Variants in PTPRN2 observed in about 807,000 individuals in gnomAD.
The protein encoded by PTPRN2 is protein tyrosine phosphatase receptor type N2.
In PTPRN2, 74 loss-of-function variants were observed where a neutral mutation model predicts 118.8. The observed-to-expected ratio is 0.62, with a 90% CI of 0.52 to 0.76. PTPRN2 has a LOEUF of 0.76. Ranked by LOEUF, PTPRN2 falls within the 30% of genes least tolerant of loss-of-function variation. The pLI is 0.00. For missense variants in PTPRN2, 1,481 were observed against 1,394.4 expected (o/e 1.06, Z -0.99); for synonymous variants, 641 against 608.0 (o/e 1.05, Z -0.80).
At chr7:157,642,053 C>T (rs185981109) in intron 14 of PTPRN2, among the ~76,000 whole-genome samples, 1 of 152,340 alleles carries the variant, frequency 6.6e-6, no homozygotes, top group African/African-American at 2.4e-5. Context: ...TCTCAAATGT[C>T]CACCTCAAGT....
Position 157,874,403 on chromosome 7 carries a change from T to C in PTPRN2, c.1788+24270A>G, listed in dbSNP as rs1358486977. The stretch of plus-strand genomic sequence containing the variant: ...AGCTCCTGCTTTCTGCCCCCTCCTG[T>C]CCCCTCTCTCCTGCCCTGCCCCGAT... On this transcript the variant is annotated intron_variant, in intron 12 of 22. Transcript: ENST00000389418. The surrounding 1 kb of genome is among the most constrained non-coding windows in gnomAD (Gnocchi z 5.8). 6.6e-6 allele frequency among the ~76,000 whole-genome samples: 1 copy of C among 152,082 alleles called. No homozygotes were observed. The highest frequency in any genetic ancestry group is 2.4e-5 in the African/African-American group (1 of 41,426).
At chr7:158,292,726 T>A (rs563178133) in intron 3 of PTPRN2, among the ~76,000 whole-genome samples, 1 of 152,304 alleles carries the variant, frequency 6.6e-6, no homozygotes, top group East Asian at 1.9e-4. Context: ...AGGTTAAGTA[T>A]CTGTGTATCA....
At chr7:157,628,753 G>A (rs1380987784) in intron 14 of PTPRN2, among the ~76,000 whole-genome samples, 2 of 152,220 alleles carry the variant, frequency 1.3e-5, no homozygotes, top group African/African-American at 2.4e-5. Context: ...GACGGTCTCA[G>A]TGTTTCAGTA....
chr7:157,889,422 T>G lies in PTPRN2; in HGVS notation c.1788+9251A>C, dbSNP rs113734873. 6.5e-3 allele frequency among the ~76,000 whole-genome samples: 985 copies of G among 152,290 alleles called. 10 individuals carry two copies. Among genetic ancestry groups the G allele is most frequent in the African/African-American group, 0.022 (922 of 41,548 alleles). ...CCTGAAACTGCTCTTCCTTTTATGG[T>G]TTCGACCCAACAACCAATCAGCATT... is the stretch of plus-strand genomic sequence containing the variant. On this transcript the variant is annotated intron_variant, in intron 12 of 22. Transcript: ENST00000389418.
intron 12 of PTPRN2, among the ~76,000 whole-genome samples, chr7:157,835,449 G>A (rs58144261): frequency 0.086 from 13,101 of 152,170 alleles, 972 homozygotes; most frequent in East Asian, 0.21. Context: ...AACCGAACCC[G>A]CAAAGCTCTT....
chr7:157,669,419 G>C, intron 13 of PTPRN2: 1 of 409,342 alleles, frequency 2.4e-6, no homozygotes, highest in South Asian at 1.6e-5. Context: ...ACACGTGTTT[G>C]CACGCGCACA....
At chr7:158,135,468 G>A (rs371960691) in intron 8 of PTPRN2, among the ~76,000 whole-genome samples, 6 of 150,022 alleles carry the variant, frequency 4.0e-5, no homozygotes, top group African/African-American at 1.5e-4. Context: ...AAATAAATAA[G>A]AAGTCAGAAA....
intron 2 of PTPRN2, among the ~76,000 whole-genome samples, chr7:158,484,920 C>T (rs956455711): frequency 1.3e-5 from 2 of 152,184 alleles, no homozygotes; most frequent in African/African-American, 2.4e-5. Flanking sequence ...GACGCCGCCA[C>T]GGGGAGTCGG....
intron 11 of PTPRN2, among the ~76,000 whole-genome samples, chr7:157,925,925 C>T (rs534867075): frequency 1.3e-5 from 2 of 152,310 alleles, no homozygotes; most frequent in South Asian, 4.1e-4. Context: ...TTCTAAAACC[C>T]TTCTCCCAGA....
intron 11 of PTPRN2, among the ~76,000 whole-genome samples, chr7:158,050,706 C>T (rs566582318): frequency 6.6e-6 from 1 of 152,282 alleles, no homozygotes; most frequent in East Asian, 1.9e-4. Context: ...AAGACTCAGG[C>T]CAGGCCAGGT....
At chr7:158,341,471 A>G (rs1806768035) in intron 2 of PTPRN2, among the ~76,000 whole-genome samples, 1 of 146,616 alleles carries the variant, frequency 6.8e-6, no homozygotes, top group Non-Finnish European at 1.5e-5. Context: ...CGTCATTCAC[A>G]CCCACACTCT....
chr7:158,501,633 G>T (rs560478347), intron 1 of PTPRN2, among the ~76,000 whole-genome samples: 24 of 152,318 alleles, frequency 1.6e-4, no homozygotes, highest in Admixed American at 8.5e-4. Context: ...AGAGGGAGGG[G>T]CAGTGCCAGA....
At position 157,929,891 on chromosome 7, in the gene PTPRN2, C is replaced by T. The variant is rs1403521853; in HGVS notation, c.1724-31154G>A. On this transcript the variant is annotated intron_variant, in intron 11 of 22. Coordinates refer to ENST00000389418, the MANE Select transcript of PTPRN2 (RefSeq NM_002847.5). The surrounding 1 kb of genome is among the most constrained non-coding windows in gnomAD (Gnocchi z 4.4). ...GTAATGAATCTGAAGGCAGCCCCCA[C>T]CAACGCGCTGGCTGCCTTGGGGCCA... Among the ~76,000 whole-genome samples, 1 of 152,156 alleles carries T rather than the reference C, an allele frequency of 6.6e-6. No individual in the cohort carries two copies. Among genetic ancestry groups the T allele is most frequent in the African/African-American group, 2.4e-5 (1 of 41,430 alleles).
intron 11 of PTPRN2, among the ~76,000 whole-genome samples, chr7:157,934,082 A>G (rs1485207375): frequency 1.3e-5 from 2 of 152,196 alleles, no homozygotes; most frequent in African/African-American, 4.8e-5. Context: ...CACCAGGGAC[A>G]TCATCTTTTG....
rs750695196 is a variant in PTPRN2, at chr7:157,676,578, C to A, written c.2001+6147G>T. ...GTCCAGACCCACGGGACAGAAAAGC[C>A]CGGGCCAGCCCCTCAACACCCTGCA... On this transcript the variant is annotated intron_variant, in intron 13 of 22. Transcript: ENST00000389418. This position sits in a 1 kb window ranked among gnomAD's most constrained non-coding sequence, Gnocchi z 5.6. 5.3e-5 allele frequency among the ~76,000 whole-genome samples: 8 copies of A among 152,228 alleles called. No homozygotes were observed. Among genetic ancestry groups the A allele is most frequent in the Non-Finnish European group, 1.0e-4 (7 of 68,028 alleles).
chr7:158,368,647 C>A (rs1305988611), intron 2 of PTPRN2, among the ~76,000 whole-genome samples: 1 of 152,186 alleles, frequency 6.6e-6, no homozygotes, highest in African/African-American at 2.4e-5. Flanking sequence ...GTCCAAGGAC[C>A]AAGGCACAGA....
intron 2 of PTPRN2, among the ~76,000 whole-genome samples, chr7:158,470,211 A>C (rs935353576): frequency 6.6e-6 from 1 of 152,248 alleles, no homozygotes; most frequent in African/African-American, 2.4e-5. Flanking sequence ...GGGGAAAAAA[A>C]CATAAAATTT....
At position 158,318,132 on chromosome 7, in the gene PTPRN2, G is replaced by A. The variant is rs183560308; in HGVS notation, c.164-1200C>T. 3.9e-3 allele frequency among the ~76,000 whole-genome samples: 589 copies of A among 152,214 alleles called. 2 individuals carry two copies. The highest frequency in any genetic ancestry group is 6.7e-3 in the Non-Finnish European group (453 of 68,008). On this transcript the variant is annotated intron_variant, in intron 2 of 22. Transcript: ENST00000389418. ...ACAAAGGCGGAGGGCTCTCGGGGAC[G>A]CGTCTGCAGAGCCCGGCGCCCCCCA... is the stretch of plus-strand genomic sequence containing the variant.
At chr7:157,719,402 C>A (rs1469780785) in intron 12 of PTPRN2, among the ~76,000 whole-genome samples, 1 of 152,258 alleles carries the variant, frequency 6.6e-6, no homozygotes, top group Admixed American at 6.5e-5. Context: ...AAGGCCAAGG[C>A]CACAGCACTG....
Sources: allele counts gnomAD v4.1 joint callset (sites outside exome capture counted in the v4.1 genomes callset), GRCh38; gene constraint gnomAD v4.1.1; non-coding constraint Gnocchi (gnomAD v3.1); transcripts MANE v1.5; gene names NCBI Gene and HGNC (gene_info 2026-07-23, HGNC 2026-07-21).